Variants in NUP62 observed in about 807,000 individuals in gnomAD.
The protein encoded by NUP62 is nuclear pore glycoprotein p62.
For synonymous variants in NUP62, 305 were observed against 303.4 expected, an observed-to-expected ratio of 1.01 and a Z score of -0.05; for missense variants, 647 against 689.4, an observed-to-expected ratio of 0.94 and a Z score of 0.69.
intron 2 of NUP62, among the ~76,000 whole-genome samples, chr19:49,926,396 G>A (rs894672766): frequency 6.6e-6 from 1 of 152,056 alleles, no homozygotes; most frequent in African/African-American, 2.4e-5. Context: ...CAGGCGTGGT[G>A]GTGGGCGCCT....
chr19:49,914,048 G>A (rs2075554623), intron 2 of NUP62, among the ~76,000 whole-genome samples: 1 of 152,116 alleles, frequency 6.6e-6, no homozygotes, highest in African/African-American at 2.4e-5. Context: ...CACAGGGTCT[G>A]TCCAGGTTAA....
At chr19:49,922,242 GGTGCCCTGC>G (rs1377625028) in intron 2 of NUP62, among the ~76,000 whole-genome samples, 1 of 152,194 alleles carries the variant, frequency 6.6e-6, no homozygotes, top group African/African-American at 2.4e-5. Flanking sequence ...TCCTTATTGA[GGTGCCCTGC>G]GAGTCCCTGT....
chr19:49,924,635 G>A (rs1661644613), intron 2 of NUP62, among the ~76,000 whole-genome samples: 1 of 152,228 alleles, frequency 6.6e-6, no homozygotes, highest in African/African-American at 2.4e-5. Context: ...GAGTCCTGAA[G>A]GGGCCACAGG....
In NUP62 at chr19:49,908,641, C is replaced by T. The variant is rs202221687; in HGVS notation, c.1167G>A (p.Leu389=). 10 of 1,613,098 alleles carry T rather than the reference C, an allele frequency of 6.2e-6. No individual in the cohort carries two copies. Among genetic ancestry groups the T allele is most frequent in the Non-Finnish European group, 7.6e-6 (9 of 1,180,022 alleles). The change falls in exon 3 of 3, where the codon CTG becomes CTA. Residue 389 remains leucine (L), a synonymous_variant. Coordinates refer to ENST00000352066, the MANE Select transcript of NUP62 (RefSeq NM_016553.5). The part of the protein sequence containing the change: ...VEKVKLDQKR[L]DQELDFILSQ... The stretch of plus-strand genomic sequence containing the variant: ...ACAGGATGAAGTCGAGCTCCTGGTC[C>T]AGCCTCTTCTGGTCCAGCTTCACCT...
In NUP62 at chr19:49,908,946, T is replaced by C. The variant is rs766592622; in HGVS notation, c.862A>G (p.Thr288Ala). Reference sequence around the variant, plus strand: ...GGTTTTAAATTCAAGGCAAAGCCGGTGGTGCTGCTGCTGCTGGTGGTGGTG... The same window carrying C: ...GGTTTTAAATTCAAGGCAAAGCCGGCGGTGCTGCTGCTGCTGGTGGTGGTG... The part of the protein sequence containing the change: ...TATTTSSSST[T>A]GFALNLKPLA... The change falls in exon 3 of 3, where the codon ACC (threonine) becomes GCC (alanine). Residue 288 changes from threonine to alanine, a missense_variant. Physicochemically the swap from Thr to Ala is moderately conservative, Grantham distance 58. Transcript: ENST00000352066. 5.0e-6 allele frequency: 8 copies of C among 1,608,860 alleles called. No homozygotes were observed. The East Asian group carries it at 1.3e-4, about 27-fold the overall frequency.
intron 2 of NUP62, among the ~76,000 whole-genome samples, chr19:49,914,469 G>A (rs942589840): frequency 1.3e-5 from 2 of 152,176 alleles, no homozygotes; most frequent in East Asian, 3.9e-4. Context: ...GAAAGTGCTG[G>A]CAGAGCCGCC....
At chr19:49,910,097 G>A (rs1478246511) in intron 2 of NUP62, among the ~76,000 whole-genome samples, 1 of 152,076 alleles carries the variant, frequency 6.6e-6, no homozygotes, top group East Asian at 1.9e-4. Context: ...AGGGACGTGC[G>A]TGGCCATGTT....
chr19:49,919,099 GC>G (rs1384273555), intron 2 of NUP62, among the ~76,000 whole-genome samples: 2 of 151,346 alleles, frequency 1.3e-5, no homozygotes, highest in East Asian at 3.9e-4. Context: ...GTTGCAGTGA[GC>G]CGAGATCACA....
rs1034437189 is a variant in NUP62, at chr19:49,919,819, A to G, written c.-78+7875T>C. Among the ~76,000 whole-genome samples, 5 of 145,942 alleles carry G rather than the reference A, an allele frequency of 3.4e-5. No individual in the cohort carries two copies. In the East Asian group the frequency reaches 1.0e-3, roughly 30 times the overall value. On this transcript the variant is annotated intron_variant, in intron 2 of 2. Coordinates refer to ENST00000352066, the MANE Select transcript of NUP62 (RefSeq NM_016553.5). ...TTGCTCTTAATATAAAAGGACTGGA[A>G]GAGATTTGAGGAATACTCTGGTGCC...
At chr19:49,925,851 C>T (rs566486259) in intron 2 of NUP62, among the ~76,000 whole-genome samples, 2 of 152,182 alleles carry the variant, frequency 1.3e-5, no homozygotes, top group South Asian at 2.1e-4. Context: ...AGAAATTCTC[C>T]GTATTATCTT....
chr19:49,920,223 C>T (rs1377539240), intron 2 of NUP62, among the ~76,000 whole-genome samples: 2 of 152,242 alleles, frequency 1.3e-5, no homozygotes, highest in South Asian at 2.1e-4. Context: ...GCTGGGACTA[C>T]AGGCGCGTGC....
chr19:49,924,413 C>T (rs1042645093), intron 2 of NUP62, among the ~76,000 whole-genome samples: 7 of 152,174 alleles, frequency 4.6e-5, no homozygotes, highest in South Asian at 2.1e-4. Context: ...TAACCGGGAG[C>T]GGTTGCCAGG....
At chr19:49,914,652 T>G (rs1054535007) in intron 2 of NUP62, among the ~76,000 whole-genome samples, 1 of 151,432 alleles carries the variant, frequency 6.6e-6, no homozygotes, top group Non-Finnish European at 1.5e-5. Flanking sequence ...CAGGGTTCTT[T>G]GCTGTCACCC....
chr19:49,919,682 C>G (rs763883178), intron 2 of NUP62, among the ~76,000 whole-genome samples: 1 of 152,102 alleles, frequency 6.6e-6, no homozygotes, highest in Non-Finnish European at 1.5e-5. Flanking sequence ...GAGCTCTGGT[C>G]GCAGGACCAA....
intron 2 of NUP62, among the ~76,000 whole-genome samples, chr19:49,922,601 G>C (rs1038877994): frequency 1.3e-5 from 2 of 151,984 alleles, no homozygotes; most frequent in Admixed American, 6.6e-5. Context: ...GCTGTGGGGA[G>C]GGGAAGTCAC....
At chr19:49,913,895 G>A (rs996143729) in intron 2 of NUP62, among the ~76,000 whole-genome samples, 2 of 152,200 alleles carry the variant, frequency 1.3e-5, no homozygotes, top group African/African-American at 4.8e-5. Flanking sequence ...GGGTGTGGGG[G>A]ATGAACCGTA....
chr19:49,916,458 T>C (rs1282933788), intron 2 of NUP62, among the ~76,000 whole-genome samples: 1 of 151,122 alleles, frequency 6.6e-6, no homozygotes, highest in Non-Finnish European at 1.5e-5. Flanking sequence ...GTATCTTTTG[T>C]ATTTTTGTAT....
At chr19:49,913,509 G>A (rs1228473825) in intron 2 of NUP62, among the ~76,000 whole-genome samples, 8 of 152,146 alleles carry the variant, frequency 5.3e-5, no homozygotes, top group African/African-American at 9.7e-5. Flanking sequence ...ACACGGGTGC[G>A]CCATGTCCTC....
chr19:49,922,251 C>A (rs188853064), intron 2 of NUP62, among the ~76,000 whole-genome samples: 2 of 152,328 alleles, frequency 1.3e-5, no homozygotes, highest in African/African-American at 4.8e-5. Context: ...AGGTGCCCTG[C>A]GAGTCCCTGT....
Sources: gnomAD v4.1 joint callset for allele counts (sites outside exome capture counted in the v4.1 genomes callset) on GRCh38, gnomAD v4.1.1 for gene constraint, MANE v1.5 for transcripts, NCBI Gene and HGNC (gene_info 2026-07-23, HGNC 2026-07-21) for gene names.